The following SVEP1 variants were observed in gnomAD, a reference collection of about 807,000 sequenced individuals.
SVEP1 encodes the protein sushi, von Willebrand factor type A, EGF and pentraxin domain containing 1.
In SVEP1, 164 loss-of-function variants were observed where a neutral mutation model predicts 367.3. The observed-to-expected ratio is 0.45, with a 90% CI of 0.39 to 0.51. The LOEUF (loss-of-function observed/expected upper bound fraction) is 0.51, where lower values mean the gene tolerates loss of function less well. Ranked by LOEUF, SVEP1 falls within the 20% of genes least tolerant of loss-of-function variation. The probability of loss-of-function intolerance (pLI) is 0.00; values close to 1 mark genes in which losing one functional copy is unlikely to be tolerated. For missense variants in SVEP1, 4,117 were observed against 4,425.3 expected (o/e 0.93, Z 1.98); for synonymous variants, 1,666 against 1,611.6 (o/e 1.03, Z -0.81).
chr9:110,564,018 G>C (rs536117227), intron 1 of SVEP1, among the ~76,000 whole-genome samples: 4 of 152,272 alleles, frequency 2.6e-5, no homozygotes, highest in South Asian at 4.1e-4. Context: ...CAAACAGAAA[G>C]GGACAACCCT....
intron 8 of SVEP1, among the ~76,000 whole-genome samples, chr9:110,492,424 C>T (rs4978934): frequency 0.48 from 72,088 of 151,704 alleles, 19,091 homozygotes; most frequent in Non-Finnish European, 0.57. Context: ...TTTACTTGGG[C>T]GAAATGCAAT....
At chr9:110,553,494 T>C (rs980285073) in intron 1 of SVEP1, among the ~76,000 whole-genome samples, 2 of 152,146 alleles carry the variant, frequency 1.3e-5, no homozygotes, top group Non-Finnish European at 2.9e-5. Flanking sequence ...GGAAAGTAAA[T>C]AGAGAAAACT....
chr9:110,476,437 C>T lies in SVEP1; in HGVS notation c.2488-122G>A, dbSNP rs371887217. ...GGAGGGAAGGGAGGGCCCCAGAGCT[C>T]TGCACATTCCTCAAAGGGATTCTGA... is the stretch of plus-strand genomic sequence containing the variant. On this transcript the variant is annotated intron_variant, in intron 13 of 47. Coordinates refer to ENST00000374469, the MANE Select transcript of SVEP1 (RefSeq NM_153366.4). The T allele has an allele frequency of 1.6e-5, 11 of 699,350 alleles. No homozygotes were observed. In the South Asian group the frequency reaches 1.8e-4, roughly 11 times the overall value. 43.3% of individuals were successfully genotyped at this position (699,350 alleles called of 1,614,324 possible).
At chr9:110,466,408 A>C (rs541042467) in intron 17 of SVEP1, among the ~76,000 whole-genome samples, 85 of 152,274 alleles carry the variant, frequency 5.6e-4, no homozygotes, top group African/African-American at 2.0e-3. Context: ...GCGTGGCAGA[A>C]ACAAAACCCC....
chr9:110,483,334 C>T lies in SVEP1; in HGVS notation c.2038+252G>A, dbSNP rs555275627. Among the ~76,000 whole-genome samples the T allele has an allele frequency of 1.7e-4, 26 of 152,228 alleles. No homozygotes were observed. The South Asian group carries it at 5.2e-3, about 30-fold the overall frequency. On this transcript the variant is annotated intron_variant, in intron 10 of 47. Transcript: ENST00000374469. Reference sequence around the variant, plus strand: ...ACTAAAGAAATTCATTAGCACCCTGCTAGGTACAACACCTAGTGCAGGTTC... The same window carrying T: ...ACTAAAGAAATTCATTAGCACCCTGTTAGGTACAACACCTAGTGCAGGTTC...
rs1386425854 is a variant in SVEP1 at position 110,457,243 on chromosome 9, CTTGG to C, written c.3673+9_3673+12del. ...AAAATATATTAAAATCTACATTCCT[CTTGG>C]TTATTTACCTGTATATCCAAGTGGA... On this transcript the variant is annotated intron_variant, in intron 21 of 47. Transcript: ENST00000374469. The C allele has an allele frequency of 6.4e-7, 1 of 1,571,604 alleles. No homozygotes were observed. The highest frequency in any genetic ancestry group is 1.2e-5 in the South Asian group (1 of 84,936).
Position 110,448,176 on chromosome 9 carries a change from C to CGT in SVEP1, c.4104-1121_4104-1120dup, listed in dbSNP as rs72550649. ...GCGTGTGTGTGTGCGCGCGCTCGCG[C>CGT]GTGTGTATGCATGTGTCTATGTTGG... On this transcript the variant is annotated intron_variant, in intron 24 of 47. Transcript: ENST00000374469. Among the ~76,000 whole-genome samples the CGT allele has an allele frequency of 3.5e-5, 5 of 143,466 alleles. No individual in the cohort carries two copies. The East Asian group carries it at 6.9e-4, about 20-fold the overall frequency. The allele number at this position is 143,466 out of a possible 152,430, so 94.1% of individuals were successfully genotyped here. A position where few individuals can be genotyped will look rare whatever the true frequency, so the allele number is the denominator to read the frequency against.
At chr9:110,549,456 A>G (rs573593766) in intron 2 of SVEP1, among the ~76,000 whole-genome samples, 1 of 152,250 alleles carries the variant, frequency 6.6e-6, no homozygotes, top group East Asian at 1.9e-4. Flanking sequence ...TTCTGGAAAC[A>G]TTCTGGTAAG....
At chr9:110,412,843 A>G (rs1828063762) in intron 36 of SVEP1, among the ~76,000 whole-genome samples, 1 of 152,254 alleles carries the variant, frequency 6.6e-6, no homozygotes, top group African/African-American at 2.4e-5. Flanking sequence ...ACAATGAGAT[A>G]CCATCTCACG....
At chr9:110,455,452 A>G in intron 22 of SVEP1, 138 bp downstream of exon 22, 2 of 641,186 alleles carry the variant, frequency 3.1e-6, no homozygotes, top group East Asian at 5.9e-5. Context: ...CAAATAAGTA[A>G]TATTAGAAAA....
chr9:110,439,019 C>T (rs576388315), intron 27 of SVEP1, among the ~76,000 whole-genome samples: 1 of 152,284 alleles, frequency 6.6e-6, no homozygotes, highest in South Asian at 2.1e-4. Context: ...CTTACTTTAG[C>T]TAACAGACTC....
At chr9:110,443,206 A>G in intron 27 of SVEP1, 1 of 187,310 alleles carries the variant, frequency 5.3e-6, no homozygotes, top group Non-Finnish European at 1.1e-5. Flanking sequence ...CTGCTTATAT[A>G]CTGATTACAA....
At chr9:110,553,013 T>C (rs367934250) in intron 1 of SVEP1, among the ~76,000 whole-genome samples, 6 of 152,096 alleles carry the variant, frequency 3.9e-5, no homozygotes, top group Non-Finnish European at 5.9e-5. Flanking sequence ...GCAATATCCA[T>C]GGGAAGAGAT....
At chr9:110,471,778 T>C (rs1027607057) in intron 15 of SVEP1, among the ~76,000 whole-genome samples, 181 bp from the exon 16 acceptor site, 5 of 152,238 alleles carry the variant, frequency 3.3e-5, no homozygotes, top group African/African-American at 1.2e-4. Flanking sequence ...CACTATTTAG[T>C]GAACAATTAA....
intron 30 of SVEP1, 30 bp from the exon 31 acceptor site, chr9:110,432,665 C>T (rs1438958002): frequency 4.4e-6 from 7 of 1,576,914 alleles, no homozygotes; most frequent in Middle Eastern, 1.7e-4. Context: ...AAGACAACGA[C>T]ATTAAGAGCA....
intron 3 of SVEP1, among the ~76,000 whole-genome samples, chr9:110,542,626 T>C (rs1291305541): frequency 2.0e-5 from 3 of 152,126 alleles, no homozygotes; most frequent in Non-Finnish European, 4.4e-5. Context: ...ACAAACTGAT[T>C]TTTGCAGTTA....
chr9:110,392,158 T>TATATATATATATATATATATA (rs1554710916), intron 40 of SVEP1, among the ~76,000 whole-genome samples: 17 of 148,548 alleles, frequency 1.1e-4, no homozygotes, highest in South Asian at 2.1e-4. Flanking sequence ...TATATATCTC[T>TATATATATATATATATATATA]TCTCTCTCTC....
Position 110,471,616 on chromosome 9 carries a change from A to G in SVEP1, c.2765-19T>C. ...ACACTAGCTGAGATAAAAACAAAAT[A>G]AAACACAACACAAACACATGGTGTT... On this transcript the variant is annotated intron_variant, in intron 15 of 47. Transcript: ENST00000374469. The G allele has an allele frequency of 6.4e-7, 1 of 1,571,730 alleles. No homozygotes were observed. The highest frequency in any genetic ancestry group is 8.7e-7 in the Non-Finnish European group (1 of 1,145,716).
intron 40 of SVEP1, among the ~76,000 whole-genome samples, chr9:110,390,799 T>C (rs75127960): frequency 6.6e-6 from 1 of 151,876 alleles, no homozygotes; most frequent in Non-Finnish European, 1.5e-5. Context: ...GGTATTTGCA[T>C]TAAAAAAAAA....
Sources: gnomAD v4.1 joint callset for allele counts (sites outside exome capture counted in the v4.1 genomes callset) on GRCh38, gnomAD v4.1.1 for gene constraint, MANE v1.5 for transcripts, NCBI Gene and HGNC (gene_info 2026-07-23, HGNC 2026-07-21) for gene names.